The following TCAIM variants were observed in gnomAD, a reference collection of about 807,000 sequenced individuals.
TCAIM encodes T-cell activation inhibitor, mitochondrial.
TCAIM carries 36 observed loss-of-function variants against 58.6 expected under a neutral mutation model. That is an observed-to-expected ratio of 0.61 (90% CI 0.47 to 0.81). The LOEUF is 0.81. Ranked by LOEUF, TCAIM falls within the 30% of genes least tolerant of loss-of-function variation. The pLI is 0.00. For synonymous variants in TCAIM, 172 were observed against 193.6 expected (o/e 0.89, Z 0.93); for missense variants, 466 against 579.6 (o/e 0.80, Z 2.01).
chr3:44,404,867 G>C (rs781572240), intron 10 of TCAIM, among the ~76,000 whole-genome samples: 48 of 148,664 alleles, frequency 3.2e-4, no homozygotes, highest in Admixed American at 1.2e-3. Flanking sequence ...AAAGATTAAA[G>C]CTCTCAGCTG....
At chr3:44,371,101 G>A (rs1253461787) in intron 5 of TCAIM, among the ~76,000 whole-genome samples, 2 of 151,494 alleles carry the variant, frequency 1.3e-5, no homozygotes, top group South Asian at 2.1e-4. Context: ...TAGTAGAGAC[G>A]GGGTTTCACC....
At chr3:44,380,432 A>G (rs1701638114) in intron 5 of TCAIM, among the ~76,000 whole-genome samples, 1 of 152,170 alleles carries the variant, frequency 6.6e-6, no homozygotes, top group Admixed American at 6.5e-5. Flanking sequence ...AAAAGAAAAT[A>G]TAGATGAATG....
At chr3:44,345,574 A>T (rs1700949916) in intron 1 of TCAIM, among the ~76,000 whole-genome samples, 1 of 151,958 alleles carries the variant, frequency 6.6e-6, no homozygotes, top group Non-Finnish European at 1.5e-5. Context: ...ACGATTTTGG[A>T]GGAAAGAGAA....
intron 1 of TCAIM, among the ~76,000 whole-genome samples, chr3:44,342,077 G>A (rs541381601): frequency 7.2e-5 from 11 of 151,866 alleles, no homozygotes; most frequent in Non-Finnish European, 1.3e-4. Context: ...ATTTCATTTC[G>A]TATTCTTTAT....
intron 1 of TCAIM, among the ~76,000 whole-genome samples, chr3:44,349,555 CA>C (rs558501908): frequency 8.3e-4 from 127 of 152,134 alleles, no homozygotes; most frequent in Non-Finnish European, 1.4e-3. Flanking sequence ...ACTTACCCCC[CA>C]GGGGAGGTTA....
chr3:44,351,331 G>A (rs778421041), intron 1 of TCAIM, among the ~76,000 whole-genome samples: 7 of 151,638 alleles, frequency 4.6e-5, no homozygotes, highest in African/African-American at 1.5e-4. Context: ...ATGAGCCTCT[G>A]CATCTAGCCC....
At chr3:44,362,594 T>C (rs947646500) in intron 4 of TCAIM, 3 of 393,778 alleles carry the variant, frequency 7.6e-6, no homozygotes, top group African/African-American at 6.2e-5. Context: ...TTCTTGGCAG[T>C]TTCTCCATCT....
chr3:44,362,382 G>A (rs553629756), intron 4 of TCAIM: 6 of 400,678 alleles, frequency 1.5e-5, no homozygotes, highest in Admixed American at 8.8e-5. Flanking sequence ...TCACATGGAA[G>A]ATCCCTAATT....
intron 5 of TCAIM, among the ~76,000 whole-genome samples, chr3:44,386,612 C>T (rs1701747120): frequency 6.6e-6 from 1 of 152,270 alleles, no homozygotes; most frequent in African/African-American, 2.4e-5. Context: ...TGGCCTCTCT[C>T]CACTCCCAGT....
At chr3:44,348,954 G>A (rs1164232544) in intron 1 of TCAIM, among the ~76,000 whole-genome samples, 2 of 152,174 alleles carry the variant, frequency 1.3e-5, no homozygotes, top group Non-Finnish European at 2.9e-5. Flanking sequence ...GGCAGGTAGG[G>A]GAGGGCTAGT....
Position 44,408,369 on chromosome 3 carries a change from T to C in TCAIM, c.*687T>C, listed in dbSNP as rs1227670462. The stretch of plus-strand genomic sequence containing the variant: ...ATGTCCAAAACAGGTGATTGATAGG[T>C]AACAGAAATTAGATAACCACCAATT... On this transcript the variant is annotated 3_prime_UTR_variant, in exon 11 of 11. Coordinates refer to ENST00000342649, the MANE Select transcript of TCAIM (RefSeq NM_173826.4). 6.6e-6 allele frequency: 1 copy of C among 152,142 alleles called. No individual in the cohort carries two copies. The highest frequency in any genetic ancestry group is 1.5e-5 in the Non-Finnish European group (1 of 68,052). 9.4% of individuals were successfully genotyped at this position (152,142 alleles called of 1,614,324 possible).
At chr3:44,347,407 C>T (rs1022864598) in intron 1 of TCAIM, among the ~76,000 whole-genome samples, 6 of 152,202 alleles carry the variant, frequency 3.9e-5, no homozygotes, top group Non-Finnish European at 5.9e-5. Flanking sequence ...TGCAGCAGTA[C>T]AGCCCAGGTA....
At chr3:44,376,208 G>T (rs1701563107) in intron 5 of TCAIM, among the ~76,000 whole-genome samples, 1 of 152,200 alleles carries the variant, frequency 6.6e-6, no homozygotes, top group Non-Finnish European at 1.5e-5. Context: ...TTATTCAAGT[G>T]ATGAAAGTAT....
At chr3:44,385,251 A>G (rs1015063974) in intron 5 of TCAIM, among the ~76,000 whole-genome samples, 2 of 152,218 alleles carry the variant, frequency 1.3e-5, no homozygotes, top group Non-Finnish European at 2.9e-5. Context: ...GTCTCTTGTC[A>G]TGTTTACAGA....
intron 1 of TCAIM, among the ~76,000 whole-genome samples, chr3:44,343,778 C>T (rs1700905352): frequency 6.6e-6 from 1 of 152,120 alleles, no homozygotes; most frequent in Non-Finnish European, 1.5e-5. Flanking sequence ...TTAGTGCTCT[C>T]TTTCTAAATC....
chr3:44,368,809 G>A (rs566663216), intron 5 of TCAIM, among the ~76,000 whole-genome samples: 3 of 152,242 alleles, frequency 2.0e-5, no homozygotes, highest in Non-Finnish European at 4.4e-5. Context: ...GATTTCCTGA[G>A]GTCAGGAGTT....
chr3:44,352,438 C>G (rs2125629489), intron 1 of TCAIM, among the ~76,000 whole-genome samples: 1 of 152,218 alleles, frequency 6.6e-6, no homozygotes, highest in South Asian at 2.1e-4. Context: ...ATCCTTTCCC[C>G]CACTTTTATC....
At chr3:44,360,005 G>A (rs544509457) in intron 3 of TCAIM, among the ~76,000 whole-genome samples, 2 of 152,222 alleles carry the variant, frequency 1.3e-5, no homozygotes, top group South Asian at 2.1e-4. Flanking sequence ...CCTTTTCCCA[G>A]ATATCCCAGA....
intron 5 of TCAIM, among the ~76,000 whole-genome samples, chr3:44,377,949 A>G (rs1366237763): frequency 1.3e-5 from 2 of 152,250 alleles, no homozygotes; most frequent in East Asian, 3.8e-4. Flanking sequence ...CAAATGTTAC[A>G]TAATTAAACT....
Sources: allele counts gnomAD v4.1 joint callset (sites outside exome capture counted in the v4.1 genomes callset), GRCh38; gene constraint gnomAD v4.1.1; transcripts MANE v1.5; gene names NCBI Gene and HGNC (gene_info 2026-07-23, HGNC 2026-07-21).